Variants in PPEF2 observed in about 807,000 individuals in gnomAD.
PPEF2 encodes serine/threonine-protein phosphatase with EF-hands 2.
Under a neutral mutation model 84.7 loss-of-function variants are expected in PPEF2, and 84 were observed. The observed-to-expected ratio is 0.99, with a 90% CI of 0.83 to 1.19. The LOEUF (loss-of-function observed/expected upper bound fraction) is 1.19, where lower values mean the gene tolerates loss of function less well. Among genes scored for constraint, PPEF2 ranks in the 50% most tolerant of loss-of-function variants. PPEF2 has a pLI of 0.00. For missense variants in PPEF2, 924 were observed against 937.5 expected (o/e 0.99, Z 0.19); for synonymous variants, 346 against 345.2 (o/e 1.00, Z -0.03).
chr4:75,864,489 G>C lies in PPEF2; in HGVS notation c.1959C>G (p.Asn653Lys), dbSNP rs1422919366. 6.2e-7 allele frequency: 1 copy of C among 1,613,168 alleles called. No individual in the cohort carries two copies. The part of the protein sequence containing the change: ...QSSLLETLYR[N>K]RSNLETIFRI... Reference sequence around the variant, plus strand: ...TAAAAATGGTCTCTAGGTTGGATCGGTTTCGATACAATGTTTCCAGCAAAC... The same window carrying C: ...TAAAAATGGTCTCTAGGTTGGATCGCTTTCGATACAATGTTTCCAGCAAAC... Residue 653 changes from asparagine (N) to lysine (K), a missense_variant, in exon 16 of 17, where the codon AAC becomes AAG. Coordinates refer to ENST00000286719, the MANE Select transcript of PPEF2 (RefSeq NM_006239.3).
intron 16 of PPEF2, 113 bp downstream of exon 16, chr4:75,864,327 G>T: frequency 1.3e-6 from 1 of 790,508 alleles, no homozygotes; most frequent in Non-Finnish European, 2.1e-6. Flanking sequence ...TTCTTACCTT[G>T]CTCTCCAAAT....
At chr4:75,873,094 A>G in intron 12 of PPEF2, 33 bp downstream of exon 12, 3 of 1,585,248 alleles carry the variant, frequency 1.9e-6, no homozygotes, top group Middle Eastern at 3.4e-4. Context: ...TTGGTGACAC[A>G]CAAGCCTGTA....
intron 10 of PPEF2, 68 bp downstream of exon 10, chr4:75,882,858 G>A (rs963618101): frequency 6.6e-7 from 1 of 1,522,538 alleles, no homozygotes; most frequent in African/African-American, 1.4e-5. Context: ...CAGCATGTAA[G>A]ATGACATTTA....
rs931692842 is a variant in PPEF2 at position 75,860,060 on chromosome 4, T to C, written c.*607A>G. 1 of 152,182 alleles carries C rather than the reference T, an allele frequency of 6.6e-6. No homozygotes were observed. The highest frequency in any genetic ancestry group is 2.4e-5 in the African/African-American group (1 of 41,420). The allele number at this position is 152,182 out of a possible 1,614,324, so 9.4% of individuals were successfully genotyped here. On this transcript the variant is annotated 3_prime_UTR_variant, in exon 17 of 17. Transcript: ENST00000286719. ...TGTTAAAGACAATAAATAAAAAGTA[T>C]AAAATAGGCTGGGTGCGGTGGCTCA...
Position 75,876,463 on chromosome 4 carries a change from C to T in PPEF2, c.1144G>A (p.Asp382Asn). Residue 382 changes from aspartate to asparagine, a missense_variant, in exon 11 of 17, where the codon GAC becomes AAC. By Grantham distance (23) the Asp-to-Asn change is conservative (BLOSUM62 1). Transcript: ENST00000286719. ...ACCTGCCGGGAGAGCTCCCGCCCGT[C>T]CAGGGAACCGCTGCAGGGGATGCTG... is the stretch of plus-strand genomic sequence containing the variant. ...SSSIPCSGSL[D>N]GRELSRQVRS... 1.9e-6 allele frequency: 3 copies of T among 1,614,046 alleles called. No homozygotes were observed. Among genetic ancestry groups the T allele is most frequent in the South Asian group, 2.2e-5 (2 of 91,050 alleles).
At chr4:75,869,463 T>G (rs1724214486) in intron 13 of PPEF2, among the ~76,000 whole-genome samples, 1 of 152,210 alleles carries the variant, frequency 6.6e-6, no homozygotes, top group African/African-American at 2.4e-5. Flanking sequence ...CCTATCTGGC[T>G]ATGCTGGCTC....
chr4:75,871,875 T>C (rs767918885), intron 13 of PPEF2, 150 bp downstream of exon 13: 3 of 735,276 alleles, frequency 4.1e-6, no homozygotes, highest in Non-Finnish European at 6.3e-6. Flanking sequence ...TACTCTAATG[T>C]CTATTGTATT....
chr4:75,861,284 C>T (rs992419491), intron 16 of PPEF2, among the ~76,000 whole-genome samples: 1 of 152,022 alleles, frequency 6.6e-6, no homozygotes, highest in African/African-American at 2.4e-5. Flanking sequence ...TCAACAGTAC[C>T]ACTGTTGAGA....
chr4:75,861,350 C>T (rs567397649), intron 16 of PPEF2, among the ~76,000 whole-genome samples: 1 of 151,932 alleles, frequency 6.6e-6, no homozygotes, highest in East Asian at 2.0e-4. Context: ...CATTAAAATC[C>T]TCTGGACCCC....
chr4:75,883,221 A>G lies in PPEF2; in HGVS notation c.747-19T>C, dbSNP rs1724624743. 1 of 1,607,706 alleles carries G rather than the reference A, an allele frequency of 6.2e-7. No individual in the cohort carries two copies. The highest frequency in any genetic ancestry group is 1.7e-5 in the Admixed American group (1 of 60,004). On this transcript the variant is annotated intron_variant, in intron 8 of 16. Coordinates refer to ENST00000286719, the MANE Select transcript of PPEF2 (RefSeq NM_006239.3). ...GCCATATCTAGATTTAGAAGCACAAATAGATATTAGAGTAAACTGGGTGAC... is the reference window on the plus strand; with the variant it reads ...GCCATATCTAGATTTAGAAGCACAAGTAGATATTAGAGTAAACTGGGTGAC...
At chr4:75,894,636 T>C (rs533958702) in intron 2 of PPEF2, among the ~76,000 whole-genome samples, 2 of 152,252 alleles carry the variant, frequency 1.3e-5, no homozygotes, top group East Asian at 3.9e-4. Context: ...AGCTGGGGTT[T>C]AACACCTGTA....
At chr4:75,899,091 A>G (rs908386470) in intron 1 of PPEF2, among the ~76,000 whole-genome samples, 5 of 152,160 alleles carry the variant, frequency 3.3e-5, no homozygotes, top group Non-Finnish European at 7.3e-5. Flanking sequence ...GCTCCCACAT[A>G]TGAGTGAGAT....
chr4:75,886,799 G>A, intron 7 of PPEF2, 53 bp downstream of exon 7: 2 of 1,046,214 alleles, frequency 1.9e-6, no homozygotes, highest in Non-Finnish European at 2.8e-6. Context: ...CTGAATTTGA[G>A]CTTCTAAATT....
chr4:75,872,290 T>C, intron 12 of PPEF2, 123 bp from the exon 13 acceptor site: 7 of 915,320 alleles, frequency 7.6e-6, no homozygotes, highest in Non-Finnish European at 7.7e-6. Flanking sequence ...CTGGGAATCC[T>C]TTTCTTTCTT....
chr4:75,874,173 T>C (rs1724353575), intron 11 of PPEF2, among the ~76,000 whole-genome samples: 1 of 152,262 alleles, frequency 6.6e-6, no homozygotes, highest in African/African-American at 2.4e-5. Flanking sequence ...AGTTGAGCAA[T>C]TTTTCTAGCA....
chr4:75,895,127 ATTTTT>A (rs34515110), intron 2 of PPEF2, among the ~76,000 whole-genome samples: 1 of 129,268 alleles, frequency 7.7e-6, no homozygotes. Context: ...CAGCTAATTA[ATTTTT>A]TTTTTTTTTT....
intron 16 of PPEF2, 92 bp downstream of exon 16, chr4:75,864,348 A>G: frequency 1.0e-6 from 1 of 977,410 alleles, no homozygotes; most frequent in South Asian, 1.4e-5. Context: ...GCCTGAGTGG[A>G]GATGAATGAG....
chr4:75,897,067 A>G (rs1725027486), intron 1 of PPEF2, among the ~76,000 whole-genome samples: 1 of 151,932 alleles, frequency 6.6e-6, no homozygotes, highest in African/African-American at 2.4e-5. Flanking sequence ...GTTAGCCAGG[A>G]TGGTCTCTAT....
rs7691755 is a variant in PPEF2 at position 75,888,233 on chromosome 4, A to G, written c.513T>C (p.Ser171=). The change falls in exon 6 of 17, where the codon AGT becomes AGC. Residue 171 remains serine, a synonymous_variant. Transcript: ENST00000286719. Reference sequence around the variant, plus strand: ...TCTTACCACACACTGTGATCTCCTCACTGTAACAGGTTGAGACCCGGTTGA... The same window carrying G: ...TCTTACCACACACTGTGATCTCCTCGCTGTAACAGGTTGAGACCCGGTTGA... The part of the protein sequence containing the change: ...PNINRVSTCY[S]EEITVCGDLH... 1,611,561 of 1,612,794 alleles carry G rather than the reference A, an allele frequency of 1. 805,171 individuals carry two copies. The highest frequency in any genetic ancestry group is 1 in the East Asian group (44,882 of 44,882).
Sources: allele counts gnomAD v4.1 joint callset (sites outside exome capture counted in the v4.1 genomes callset), GRCh38; gene constraint gnomAD v4.1.1; transcripts MANE v1.5; gene names NCBI Gene and HGNC (gene_info 2026-07-23, HGNC 2026-07-21).